Variants in TMCO6 observed in about 807,000 individuals in gnomAD.
TMCO6 encodes transmembrane and coiled-coil domain-containing protein 6.
TMCO6 carries 47 observed loss-of-function variants against 61.8 expected under a neutral mutation model. The ratio of observed to expected loss-of-function variants is 0.76; its 90% confidence interval spans 0.60 to 0.97. The LOEUF (loss-of-function observed/expected upper bound fraction) is 0.97, where lower values mean the gene tolerates loss of function less well. TMCO6 is among the 50% of genes least tolerant of loss of function. The pLI, the probability that TMCO6 is intolerant of heterozygous loss-of-function variation, is 0.00. For synonymous variants in TMCO6, 261 were observed against 254.2 expected, an observed-to-expected ratio of 1.03 and a Z score of -0.25; for missense variants, 557 against 601.6, an observed-to-expected ratio of 0.93 and a Z score of 0.78.
the TMCO6 span, chr5:140,632,852 G>A: frequency 6.2e-7 from 1 of 1,614,144 alleles, no homozygotes; most frequent in African/African-American, 1.3e-5. This position sits in a 1 kb window ranked among gnomAD's most constrained non-coding sequence, Gnocchi z 6.2. Context: ...CTTCGGACCA[G>A]TCGGGCTGAG....
the TMCO6 span, among the ~76,000 whole-genome samples, chr5:140,627,617 T>C: frequency 1.3e-5 from 2 of 152,260 alleles, no homozygotes; most frequent in African/African-American, 4.8e-5. Context: ...AGCCAATTAA[T>C]TAGAGCTCTT....
At chr5:140,599,344 A>G in the TMCO6 span, among the ~76,000 whole-genome samples, 2 of 152,172 alleles carry the variant, frequency 1.3e-5, no homozygotes, top group African/African-American at 4.8e-5. Context: ...TCAAATTTCC[A>G]TAGTGATTTT....
At chr5:140,599,330 T>C in the TMCO6 span, among the ~76,000 whole-genome samples, 2 of 152,150 alleles carry the variant, frequency 1.3e-5, no homozygotes, top group Non-Finnish European at 1.5e-5. Flanking sequence ...CTTTAATCTA[T>C]CCCTCAAATT....
At chr5:140,645,489 G>T (rs554159431), downstream of TMCO6, 1 of 1,477,924 alleles carries the variant, frequency 6.8e-7, no homozygotes, top group East Asian at 2.3e-5. Context: ...TACAGCACAA[G>T]CTTTATGAGG....
At chr5:140,624,014 T>C in the TMCO6 span, among the ~76,000 whole-genome samples, 1 of 152,220 alleles carries the variant, frequency 6.6e-6, no homozygotes, top group Non-Finnish European at 1.5e-5. Context: ...TGTGTGGGTT[T>C]TCTTAAACAG....
At chr5:140,633,028 T>C in the TMCO6 span, 1 of 1,614,008 alleles carries the variant, frequency 6.2e-7, no homozygotes, top group Non-Finnish European at 8.5e-7. Flanking sequence ...CCCCTGTGGC[T>C]CCCGAGTGGC....
chr5:140,618,424 C>T, the TMCO6 span, among the ~76,000 whole-genome samples: 1 of 150,890 alleles, frequency 6.6e-6, no homozygotes, highest in East Asian at 1.9e-4. Flanking sequence ...AAGAGTGAAA[C>T]TCAAAAAAGA....
At chr5:140,638,565 CTTTT>C (rs112303526), upstream of TMCO6, among the ~76,000 whole-genome samples, 2,000 of 89,252 alleles carry the variant, frequency 0.022, 53 homozygotes, top group African/African-American at 0.097. Context: ...TTCTTTCTTT[CTTTT>C]TTTTTTTTTT....
At chr5:140,603,669 A>G in the TMCO6 span, among the ~76,000 whole-genome samples, 500 of 113,330 alleles carry the variant, frequency 4.4e-3, 3 homozygotes, top group Middle Eastern at 0.016. Context: ...GCATGTATCA[A>G]TATTTGGGGT....
chr5:140,601,104 T>C, the TMCO6 span, among the ~76,000 whole-genome samples: 3 of 152,182 alleles, frequency 2.0e-5, no homozygotes, highest in South Asian at 2.1e-4. Flanking sequence ...AAACACTCTA[T>C]TTTTATCCCT....
chr5:140,639,682 C>T (rs906294389), intron 1 of TMCO6, 57 bp from the exon 2 acceptor site: 7 of 1,547,834 alleles, frequency 4.5e-6, no homozygotes, highest in Non-Finnish European at 6.1e-6. Flanking sequence ...GGCTCGGAGC[C>T]GCGGGTTCTG....
intron 11 of TMCO6, 77 bp from the exon 12 acceptor site, chr5:140,644,908 G>T: frequency 6.5e-7 from 1 of 1,540,254 alleles, no homozygotes; most frequent in African/African-American, 1.4e-5. Flanking sequence ...TCTGGAGTAG[G>T]CTGACCCATG....
At chr5:140,636,533 AT>A (rs532120495), upstream of TMCO6, among the ~76,000 whole-genome samples, 2,086 of 151,716 alleles carry the variant, frequency 0.014, 56 homozygotes, top group African/African-American at 0.047. Flanking sequence ...AAGAAAATAA[AT>A]TTTTTTTAAT....
intron 2 of TMCO6, chr5:140,641,424 T>C: frequency 2.0e-6 from 1 of 510,678 alleles, no homozygotes; most frequent in South Asian, 2.4e-5. Flanking sequence ...TTATTCTCAT[T>C]TTCAGGTGAG....
At chr5:140,639,379 C>A, upstream of TMCO6, 1 of 750,984 alleles carries the variant, frequency 1.3e-6, no homozygotes, top group Non-Finnish European at 2.2e-6. Context: ...ACTCGCCGAG[C>A]CCCGCCCTCA....
At chr5:140,606,401 T>C in the TMCO6 span, among the ~76,000 whole-genome samples, 4 of 151,954 alleles carry the variant, frequency 2.6e-5, no homozygotes, top group Admixed American at 2.6e-4. Context: ...TTGTACTTTC[T>C]TTTTTTTCTC....
Position 140,642,423 on chromosome 5 carries a change from A to G in TMCO6, c.603+4A>G, listed in dbSNP as rs188646559. On this transcript the variant is annotated splice_donor_region_variant and intron_variant, in intron 5 of 11. Transcript: ENST00000394671. ...AGCCTTGGCTGCCTGCATCCAGGTG[A>G]CTCCTTTCTTCCTCCCTGGGCAACC... The G allele has an allele frequency of 9.7e-5, 157 of 1,611,444 alleles. No homozygotes were observed. The Admixed American group carries it at 1.5e-3, about 15-fold the overall frequency.
the TMCO6 span, among the ~76,000 whole-genome samples, chr5:140,623,985 C>A: frequency 1.3e-5 from 2 of 152,170 alleles, no homozygotes; most frequent in Non-Finnish European, 2.9e-5. Flanking sequence ...CTATCCTGAT[C>A]CAACTGTCAC....
chr5:140,644,294 T>C (rs1183210508), intron 10 of TMCO6, 100 bp downstream of exon 10: 6 of 1,302,932 alleles, frequency 4.6e-6, no homozygotes, highest in African/African-American at 1.5e-5. Context: ...AGCCAGCAGG[T>C]GGTGGTGTGT....
Sources: gnomAD v4.1 joint callset for allele counts (sites outside exome capture counted in the v4.1 genomes callset) on GRCh38, gnomAD v4.1.1 for gene constraint, Gnocchi (gnomAD v3.1) non-coding constraint, MANE v1.5 for transcripts, NCBI Gene and HGNC (gene_info 2026-07-23, HGNC 2026-07-21) for gene names.